Variants in DENND5A observed in about 807,000 individuals in gnomAD.
DENND5A encodes DENN domain-containing protein 5A.
A neutral mutation model predicts 140.3 loss-of-function variants in DENND5A; 64 were observed. The observed-to-expected ratio is 0.46, with a 90% confidence interval of 0.37 to 0.56. The LOEUF (loss-of-function observed/expected upper bound fraction) is 0.56, where lower values mean the gene tolerates loss of function less well. Among genes scored for constraint, DENND5A ranks in the 20% least tolerant of loss-of-function variants. The pLI is 0.00. For missense variants in DENND5A, 1,292 were observed against 1,593.8 expected, an observed-to-expected ratio of 0.81 and a Z score of 3.22; for synonymous variants, 605 against 607.7, an observed-to-expected ratio of 1.00 and a Z score of 0.07.
intron 1 of DENND5A, among the ~76,000 whole-genome samples, chr11:9,245,131 A>G (rs1851413289): frequency 1.3e-5 from 2 of 151,814 alleles, no homozygotes; most frequent in African/African-American, 4.8e-5. Context: ...AAAAATACAA[A>G]AAAATTAGCT....
chr11:9,247,998 T>A (rs895503374), intron 1 of DENND5A, among the ~76,000 whole-genome samples: 4 of 152,182 alleles, frequency 2.6e-5, no homozygotes, highest in Admixed American at 2.6e-4. Context: ...TTGTTTTGTT[T>A]TGTTTTTGAG....
chr11:9,214,496 C>T (rs1277267827), intron 1 of DENND5A, among the ~76,000 whole-genome samples: 1 of 152,166 alleles, frequency 6.6e-6, no homozygotes, highest in Non-Finnish European at 1.5e-5. Flanking sequence ...GACTGCAGAG[C>T]TTTGGAAGCT....
At chr11:9,159,508 G>T (rs928352512) in intron 12 of DENND5A, among the ~76,000 whole-genome samples, 2 of 151,876 alleles carry the variant, frequency 1.3e-5, no homozygotes, top group African/African-American at 4.8e-5. Flanking sequence ...GGTAGAGACG[G>T]GGTTTCACCA....
In DENND5A at chr11:9,139,809, G is replaced by A; in HGVS notation, c.3726C>T (p.Pro1242=). 1 of 1,614,168 alleles carries A rather than the reference G, an allele frequency of 6.2e-7. No individual in the cohort carries two copies. Among genetic ancestry groups the A allele is most frequent in the Non-Finnish European group, 8.5e-7 (1 of 1,180,034 alleles). Residue 1242 remains proline, a synonymous_variant, in exon 23 of 23, where the codon CCC becomes CCT. Transcript: ENST00000328194. ...HHWIALLADC[P]ITAHMYEDVA... ...CATCCTCATACATGTGTGCAGTGATGGGGCAGTCAGCCAGCAGGGCAATCC... is the reference window on the plus strand; with the variant it reads ...CATCCTCATACATGTGTGCAGTGATAGGGCAGTCAGCCAGCAGGGCAATCC...
intron 1 of DENND5A, among the ~76,000 whole-genome samples, chr11:9,248,752 GA>G (rs539890278): frequency 1.3e-3 from 204 of 152,028 alleles, no homozygotes; most frequent in Non-Finnish European, 2.6e-3. Flanking sequence ...AGGGGCTTAG[GA>G]TTTTACTTTT....
intron 17 of DENND5A, 96 bp from the exon 18 acceptor site, chr11:9,145,209 G>T (rs148306831): frequency 0.025 from 21,695 of 870,096 alleles, 599 homozygotes; most frequent in South Asian, 0.082. Flanking sequence ...CCTGCAACCT[G>T]ACCCCTCAGC....
intron 12 of DENND5A, among the ~76,000 whole-genome samples, chr11:9,158,323 T>A (rs935368809): frequency 3.3e-5 from 5 of 151,422 alleles, no homozygotes; most frequent in Admixed American, 2.0e-4. Context: ...GGCAGGAGGA[T>A]CACTTGAGCC....
intron 1 of DENND5A, among the ~76,000 whole-genome samples, chr11:9,224,083 A>T (rs988977653): frequency 6.6e-6 from 1 of 152,198 alleles, no homozygotes; most frequent in Non-Finnish European, 1.5e-5. Flanking sequence ...AATCCCAACT[A>T]CTAGGGAGGC....
intron 1 of DENND5A, among the ~76,000 whole-genome samples, chr11:9,256,489 T>C (rs1198839252): frequency 6.6e-6 from 1 of 152,016 alleles, no homozygotes; most frequent in African/African-American, 2.4e-5. Context: ...AACAATCCAA[T>C]GTCCTTCCAC....
rs1170270598 is a variant in DENND5A, at chr11:9,193,623, C to A, written c.1008G>T (p.Gln336His). 1 of 1,614,030 alleles carries A rather than the reference C, an allele frequency of 6.2e-7. No homozygotes were observed. The highest frequency in any genetic ancestry group is 1.1e-5 in the South Asian group (1 of 91,056). ...GAATAGGGACATAGACATGCTGCCACTGGAAAGGAAACATGAGAGCTGTAA... is the reference window on the plus strand; with the variant it reads ...GAATAGGGACATAGACATGCTGCCAATGGAAAGGAAACATGAGAGCTGTAA... The part of the protein sequence containing the change: ...ETITALMFPF[Q>H]WQHVYVPILP... Residue 336 changes from glutamine to histidine, a missense_variant, in exon 5 of 23, where the codon CAG becomes CAT. Physicochemically the swap from Gln to His is conservative, Grantham distance 24. Transcript: ENST00000328194.
At chr11:9,150,352 C>T (rs1157712219) in intron 14 of DENND5A, 143 bp from the exon 15 acceptor site, 5 of 1,075,076 alleles carry the variant, frequency 4.7e-6, no homozygotes, top group East Asian at 4.8e-5. Flanking sequence ...TCTCCAAATA[C>T]TGGGCTTCCA....
intron 4 of DENND5A, 40 bp from the exon 5 acceptor site, chr11:9,193,721 G>A: frequency 6.5e-7 from 1 of 1,535,120 alleles, no homozygotes; most frequent in Non-Finnish European, 8.8e-7. Context: ...ACACAAATCA[G>A]TCAAAAACAA....
rs575778174 is a variant in DENND5A, at chr11:9,210,877, C to A, written c.110-3245G>T. Reference sequence around the variant, plus strand: ...GTGATAGGGAGGATAATATAAAGATCTGTGAAACTACAATGGGAAAAAATT... The same window carrying A: ...GTGATAGGGAGGATAATATAAAGATATGTGAAACTACAATGGGAAAAAATT... On this transcript the variant is annotated intron_variant, in intron 1 of 22. Transcript: ENST00000328194. 3.1e-3 allele frequency among the ~76,000 whole-genome samples: 479 copies of A among 152,292 alleles called. 1 individual carries two copies. The highest frequency in any genetic ancestry group is 5.7e-3 in the Non-Finnish European group (388 of 68,024).
At chr11:9,247,278 G>C (rs1253706126) in intron 1 of DENND5A, among the ~76,000 whole-genome samples, 1 of 151,474 alleles carries the variant, frequency 6.6e-6, no homozygotes, top group Admixed American at 6.6e-5. Context: ...GGGAGGCCAG[G>C]ATTTGAACAT....
In DENND5A at chr11:9,203,505, T is replaced by C. The variant is rs1035662359; in HGVS notation, c.949+155A>G. 6.4e-5 allele frequency: 47 copies of C among 737,170 alleles called. No individual in the cohort carries two copies. The African/African-American group carries it at 7.6e-4, about 12-fold the overall frequency. The allele number at this position is 737,170 out of a possible 1,614,324, so 45.7% of individuals were successfully genotyped here. ...AATCAGAAATACTGGCCCTCTCATG[T>C]CTATCAATTTGCCATCCACCACCTA... On this transcript the variant is annotated intron_variant, in intron 4 of 22. Coordinates refer to ENST00000328194, the MANE Select transcript of DENND5A (RefSeq NM_015213.4).
chr11:9,145,581 A>G, intron 17 of DENND5A, 89 bp downstream of exon 17: 1 of 1,375,414 alleles, frequency 7.3e-7, no homozygotes, highest in Non-Finnish European at 1.0e-6. Flanking sequence ...GTACATAGCA[A>G]GCCCTCTGAA....
chr11:9,229,307 C>A (rs558130296), intron 1 of DENND5A, among the ~76,000 whole-genome samples: 27 of 152,122 alleles, frequency 1.8e-4, no homozygotes, highest in East Asian at 1.2e-3. Flanking sequence ...GGGGAAAAAA[C>A]CACACATTTG....
chr11:9,204,531 C>T (rs1316258008), intron 3 of DENND5A, among the ~76,000 whole-genome samples: 1 of 152,142 alleles, frequency 6.6e-6, no homozygotes, highest in Non-Finnish European at 1.5e-5. Context: ...ACTACAGGAA[C>T]ACAGCACAGA....
At chr11:9,163,872 C>T (rs1848079715) in intron 11 of DENND5A, among the ~76,000 whole-genome samples, 1 of 149,336 alleles carries the variant, frequency 6.7e-6, no homozygotes, top group African/African-American at 2.5e-5. Flanking sequence ...GCAGCATCAC[C>T]AATGTTCTTC....
Sources: allele counts gnomAD v4.1 joint callset (sites outside exome capture counted in the v4.1 genomes callset), GRCh38; gene constraint gnomAD v4.1.1; transcripts MANE v1.5; gene names NCBI Gene and HGNC (gene_info 2026-07-23, HGNC 2026-07-21).